Variants in SRPK2 observed in about 807,000 individuals in gnomAD.
The protein encoded by SRPK2 is SFRS protein kinase 2.
In SRPK2, 21 loss-of-function variants were observed where a neutral mutation model predicts 90.8. The ratio of observed to expected loss-of-function variants is 0.23; its 90% confidence interval spans 0.16 to 0.33. The LOEUF (loss-of-function observed/expected upper bound fraction) is 0.33. SRPK2 is among the 10% of genes least tolerant of loss of function. The pLI is 1.00. For missense variants in SRPK2, 620 were observed against 869.0 expected, an observed-to-expected ratio of 0.71 and a Z score of 3.60; for synonymous variants, 288 against 311.1, an observed-to-expected ratio of 0.93 and a Z score of 0.78.
chr7:105,353,503 T>TTG (rs1817444571), intron 2 of SRPK2, among the ~76,000 whole-genome samples: 2 of 146,092 alleles, frequency 1.4e-5, no homozygotes, highest in Non-Finnish European at 3.0e-5. Flanking sequence ...TCCAGCCCAG[T>TTG]TTGTTGTTGT....
upstream of SRPK2, among the ~76,000 whole-genome samples, chr7:105,390,612 T>TTTG (rs1563326711): frequency 6.9e-5 from 9 of 130,878 alleles, no homozygotes; most frequent in South Asian, 2.0e-3. Context: ...TTTTTGTTTT[T>TTTG]TTTTTTTTTT....
intron 2 of SRPK2, chr7:105,301,980 G>A (rs1249828879): frequency 1.6e-5 from 25 of 1,606,890 alleles, no homozygotes; most frequent in Admixed American, 5.0e-5. Flanking sequence ...GCCCAGAAGC[G>A]TAAGCTGGCA....
At chr7:105,311,268 C>T (rs1811681021) in intron 2 of SRPK2, among the ~76,000 whole-genome samples, 1 of 151,960 alleles carries the variant, frequency 6.6e-6, no homozygotes, top group African/African-American at 2.4e-5. Flanking sequence ...GAGTTTCACT[C>T]GTCTCCCAGG....
intron 3 of SRPK2, among the ~76,000 whole-genome samples, chr7:105,170,955 GAAAGAAAGAAAGAGAAAGAAAGAGAA>G (rs1790973924): frequency 2.8e-5 from 1 of 35,438 alleles, no homozygotes; most frequent in African/African-American, 9.6e-5. Flanking sequence ...AAGAAAGAAA[GAAAGAAAGAAAGAGAAAGAAAGAGAA>G]AGAAAGAAAG....
At chr7:105,232,458 TAAAAAAAAAAAA>T (rs10533429) in intron 2 of SRPK2, among the ~76,000 whole-genome samples, 14 of 132,056 alleles carry the variant, frequency 1.1e-4, no homozygotes, top group South Asian at 4.8e-4. Context: ...AAACCTTATC[TAAAAAAAAAAAA>T]AAAAAAAAAA....
At chr7:105,203,487 T>C in intron 3 of SRPK2, 141 bp downstream of exon 3, 1 of 863,082 alleles carries the variant, frequency 1.2e-6, no homozygotes, top group Non-Finnish European at 1.6e-6. Flanking sequence ...GAATTTAAAA[T>C]GATAATGACA....
chr7:105,366,317 A>C (rs961275523), intron 2 of SRPK2, among the ~76,000 whole-genome samples: 1 of 150,814 alleles, frequency 6.6e-6, no homozygotes, highest in African/African-American at 2.4e-5. Context: ...TACAGTTGTC[A>C]TACAGTGACT....
At chr7:105,349,710 G>C (rs1038324170) in intron 2 of SRPK2, among the ~76,000 whole-genome samples, 1 of 152,098 alleles carries the variant, frequency 6.6e-6, no homozygotes, top group East Asian at 1.9e-4. Flanking sequence ...GAAGAAAAGA[G>C]TAAATAGCAA....
At chr7:105,256,719 A>T (rs1312788581) in intron 2 of SRPK2, among the ~76,000 whole-genome samples, 2 of 152,298 alleles carry the variant, frequency 1.3e-5, no homozygotes, top group South Asian at 4.1e-4. Context: ...TCGTAAAAAA[A>T]ATCACAAGAG....
Position 105,117,760 on chromosome 7 carries a change from T to TA in SRPK2, c.*77dup. On this transcript the variant is annotated 3_prime_UTR_variant, in exon 16 of 16. Transcript: ENST00000393651. The stretch of plus-strand genomic sequence containing the variant: ...GAAGCCAGCTCACTTGTAATCCTGT[T>TA]AAAGAATGAGAGTCACCGTTTAGGT... 1.4e-6 allele frequency: 2 copies of TA among 1,480,900 alleles called. No homozygotes were observed. The highest frequency in any genetic ancestry group is 1.9e-6 in the Non-Finnish European group (2 of 1,072,766). The allele number at this position is 1,480,900 out of a possible 1,614,324, so 91.7% of individuals were successfully genotyped here.
At chr7:105,129,287 C>A (rs1052474508) in intron 13 of SRPK2, among the ~76,000 whole-genome samples, 1 of 152,064 alleles carries the variant, frequency 6.6e-6, no homozygotes, top group African/African-American at 2.4e-5. Context: ...TGTAATGCTA[C>A]CCATTTTTGA....
intron 3 of SRPK2, among the ~76,000 whole-genome samples, chr7:105,171,682 G>A (rs10266871): frequency 0.3 from 46,104 of 152,016 alleles, 7,285 homozygotes; most frequent in Non-Finnish European, 0.35. Flanking sequence ...TACTGAGTTC[G>A]TGAGATTCTT....
chr7:105,353,028 T>C (rs1192250537), intron 2 of SRPK2, among the ~76,000 whole-genome samples: 1 of 152,216 alleles, frequency 6.6e-6, no homozygotes, highest in Non-Finnish European at 1.5e-5. Flanking sequence ...GCTAGTTGTT[T>C]ACCTGCCTAT....
chr7:105,359,252 G>A (rs1458153569), intron 2 of SRPK2, among the ~76,000 whole-genome samples: 3 of 144,800 alleles, frequency 2.1e-5, no homozygotes, highest in East Asian at 2.1e-4. Flanking sequence ...TCTGCCTCCC[G>A]GGTTCAAGCA....
intron 2 of SRPK2, among the ~76,000 whole-genome samples, chr7:105,370,145 G>A (rs1289981626): frequency 6.6e-6 from 1 of 152,128 alleles, no homozygotes; most frequent in Non-Finnish European, 1.5e-5. Context: ...ACCAAATGAA[G>A]CACCCAGCCA....
chr7:105,174,351 G>C (rs768921541), intron 3 of SRPK2, among the ~76,000 whole-genome samples: 1 of 152,058 alleles, frequency 6.6e-6, no homozygotes, highest in African/African-American at 2.4e-5. Context: ...TCTATTTATG[G>C]AGTTAACCAG....
Position 105,117,916 on chromosome 7 carries a change from C to T in SRPK2, c.2022G>A (p.Leu674=). 6.2e-7 allele frequency: 1 copy of T among 1,614,128 alleles called. No individual in the cohort carries two copies. Among genetic ancestry groups the T allele is most frequent in the Admixed American group, 1.7e-5 (1 of 60,024 alleles). ...CTGGAACCATTTCTAACATCGGGAT[C>T]AGGAAATCTGTAAACTGTGCAGCAT... ...HEDAAQFTDF[L]IPMLEMVPEK... Residue 674 remains leucine (L), a synonymous_variant, in exon 16 of 16, where the codon CTG becomes CTA. Coordinates refer to ENST00000393651, the MANE Select transcript of SRPK2 (RefSeq NM_182692.3).
chr7:105,247,871 CTTTTT>C (rs201687224), intron 2 of SRPK2, among the ~76,000 whole-genome samples: 1 of 139,380 alleles, frequency 7.2e-6, no homozygotes, highest in Admixed American at 7.2e-5. Context: ...CCTTAACAAT[CTTTTT>C]TTTTTTTTTT....
At chr7:105,288,450 T>G (rs965874204) in intron 2 of SRPK2, among the ~76,000 whole-genome samples, 4 of 151,810 alleles carry the variant, frequency 2.6e-5, no homozygotes, top group South Asian at 2.1e-4. Context: ...AAAAATTAGC[T>G]GGGCGTGGTG....
Sources: allele counts gnomAD v4.1 joint callset (sites outside exome capture counted in the v4.1 genomes callset), GRCh38; gene constraint gnomAD v4.1.1; transcripts MANE v1.5; gene names NCBI Gene and HGNC (gene_info 2026-07-23, HGNC 2026-07-21).